Variants in COMMD10 observed in about 807,000 individuals in gnomAD.
COMMD10 encodes the protein COMM domain-containing protein 10.
In COMMD10, 33 loss-of-function variants were observed where a neutral mutation model predicts 28.9. The observed-to-expected ratio is 1.14, with a 90% CI of 0.87 to 1.53. The LOEUF is 1.53. Among genes scored for constraint, COMMD10 ranks in the 40% most tolerant of loss-of-function variants. The pLI, the probability that COMMD10 is intolerant of heterozygous loss-of-function variation, is 0.00. For missense variants in COMMD10, 310 were observed against 233.4 expected (o/e 1.33, Z -2.14); for synonymous variants, 110 against 81.7 (o/e 1.35, Z -1.87).
intron 5 of COMMD10, among the ~76,000 whole-genome samples, chr5:116,251,952 C>T (rs1025044495): frequency 2.4e-4 from 36 of 148,194 alleles, no homozygotes; most frequent in African/African-American, 8.3e-4. Flanking sequence ...CTCTCCAGCA[C>T]CTGTTGTTTC....
chr5:116,112,725 A>C (rs1200373285), intron 4 of COMMD10, among the ~76,000 whole-genome samples: 3 of 152,136 alleles, frequency 2.0e-5, no homozygotes, highest in African/African-American at 7.2e-5. Context: ...CATTTAGCCA[A>C]CGTGTATTTT....
At chr5:116,257,925 C>G (rs1171193333) in intron 5 of COMMD10, among the ~76,000 whole-genome samples, 1 of 151,494 alleles carries the variant, frequency 6.6e-6, no homozygotes, top group Non-Finnish European at 1.5e-5. Context: ...GTTTTGTATA[C>G]CCAATTTCAT....
intron 4 of COMMD10, among the ~76,000 whole-genome samples, chr5:116,094,868 C>T (rs1364618021): frequency 6.6e-6 from 1 of 152,102 alleles, no homozygotes; most frequent in African/African-American, 2.4e-5. Flanking sequence ...TTGTTTGCAG[C>T]AACATGGATA....
intron 5 of COMMD10, among the ~76,000 whole-genome samples, chr5:116,171,490 A>T (rs186166411): frequency 1.9e-3 from 294 of 152,324 alleles, no homozygotes; most frequent in African/African-American, 6.7e-3. Context: ...ATATACCCAG[A>T]TGATTATAAA....
At chr5:116,111,417 TC>T (rs1445726586) in intron 4 of COMMD10, among the ~76,000 whole-genome samples, 1 of 67,020 alleles carries the variant, frequency 1.5e-5, no homozygotes, top group African/African-American at 3.1e-5. Context: ...GCTGCAAAAT[TC>T]CTTCTTAGCA....
At chr5:116,151,362 T>C (rs1031665494) in intron 5 of COMMD10, among the ~76,000 whole-genome samples, 3 of 152,112 alleles carry the variant, frequency 2.0e-5, no homozygotes, top group African/African-American at 7.2e-5. Context: ...ATCAGGATGA[T>C]GCTGGCCTCA....
At chr5:116,243,830 C>CA (rs988605055) in intron 5 of COMMD10, among the ~76,000 whole-genome samples, 1 of 152,112 alleles carries the variant, frequency 6.6e-6, no homozygotes, top group African/African-American at 2.4e-5. Context: ...CAGTAAACTG[C>CA]ATTTATTCTG....
chr5:116,210,297 A>G (rs946520016), intron 5 of COMMD10, among the ~76,000 whole-genome samples: 1 of 151,638 alleles, frequency 6.6e-6, no homozygotes, highest in Non-Finnish European at 1.5e-5. Flanking sequence ...TAAGCATTTT[A>G]TTCTGTTAAA....
At chr5:116,183,277 A>G (rs2112599498) in intron 5 of COMMD10, among the ~76,000 whole-genome samples, 1 of 152,264 alleles carries the variant, frequency 6.6e-6, no homozygotes, top group East Asian at 1.9e-4. Flanking sequence ...ATGATGCCAG[A>G]ACTGAAAGAA....
chr5:116,248,283 T>C (rs2112670716), intron 5 of COMMD10, among the ~76,000 whole-genome samples: 1 of 152,122 alleles, frequency 6.6e-6, no homozygotes, highest in South Asian at 2.1e-4. Context: ...AGTGTAGCTT[T>C]TGGACAGCAT....
rs143451459 is a variant in COMMD10, at chr5:116,197,706, A to C, written c.510+63528A>C. On this transcript the variant is annotated intron_variant, in intron 5 of 6. Coordinates refer to ENST00000274458, the MANE Select transcript of COMMD10 (RefSeq NM_016144.4). ...CCCAGATTTTTATTGTCTTTGAAAC[A>C]GAAAATTCATGAAAGGATTCTGCCA... Among the ~76,000 whole-genome samples, 490 of 152,214 alleles carry C rather than the reference A, an allele frequency of 3.2e-3. 2 individuals carry two copies. Among genetic ancestry groups the C allele is most frequent in the African/African-American group, 0.011 (465 of 41,534 alleles).
chr5:116,241,840 A>G (rs1189557009), intron 5 of COMMD10, among the ~76,000 whole-genome samples: 1 of 151,868 alleles, frequency 6.6e-6, no homozygotes, highest in East Asian at 1.9e-4. Context: ...GATGGTCTCT[A>G]TCTCCTGACC....
intron 5 of COMMD10, among the ~76,000 whole-genome samples, chr5:116,202,235 A>G (rs959539963): frequency 1.3e-5 from 2 of 151,836 alleles, no homozygotes; most frequent in Admixed American, 6.6e-5. Context: ...TTATGGCTGC[A>G]TAGTATTCCA....
At chr5:116,240,246 A>G (rs551350918) in intron 5 of COMMD10, among the ~76,000 whole-genome samples, 22 of 152,234 alleles carry the variant, frequency 1.4e-4, no homozygotes, top group African/African-American at 5.3e-4. Flanking sequence ...AAGAAAAAAG[A>G]TGAAGAAAAA....
rs188203659 is a variant in COMMD10, at chr5:116,118,164, C to T, written c.400-15904C>T. Among the ~76,000 whole-genome samples, 847 of 152,268 alleles carry T rather than the reference C, an allele frequency of 5.6e-3. 9 individuals carry two copies. Among genetic ancestry groups the T allele is most frequent in the Middle Eastern group, 6.8e-3 (2 of 294 alleles). On this transcript the variant is annotated intron_variant, in intron 4 of 6. Coordinates refer to ENST00000274458, the MANE Select transcript of COMMD10 (RefSeq NM_016144.4). ...GGGCTGGCTTGGTTCCTTTTTCCAGCTGATTGTTTAAATGTCACATTTGTC... is the reference window on the plus strand; with the variant it reads ...GGGCTGGCTTGGTTCCTTTTTCCAGTTGATTGTTTAAATGTCACATTTGTC...
chr5:116,214,186 CT>C (rs915646796), intron 5 of COMMD10, among the ~76,000 whole-genome samples: 1 of 151,980 alleles, frequency 6.6e-6, no homozygotes, highest in Non-Finnish European at 1.5e-5. Flanking sequence ...GGGATGCAAA[CT>C]TCTTGGAAAG....
intron 5 of COMMD10, among the ~76,000 whole-genome samples, chr5:116,219,930 G>C (rs1201881212): frequency 6.6e-6 from 1 of 151,852 alleles, no homozygotes; most frequent in Non-Finnish European, 1.5e-5. Flanking sequence ...ATAATATTTT[G>C]ATAGAGTTTT....
At chr5:116,181,944 C>A (rs1315555485) in intron 5 of COMMD10, among the ~76,000 whole-genome samples, 1 of 152,036 alleles carries the variant, frequency 6.6e-6, no homozygotes, top group African/African-American at 2.4e-5. Context: ...ATAGCTCCTG[C>A]CCCCATGGAG....
At chr5:116,251,700 A>T (rs1414653138) in intron 5 of COMMD10, among the ~76,000 whole-genome samples, 1 of 149,566 alleles carries the variant, frequency 6.7e-6, no homozygotes, top group Non-Finnish European at 1.5e-5. Flanking sequence ...TCATTGATGG[A>T]CATTTGGGTT....
Sources: allele counts gnomAD v4.1 joint callset (sites outside exome capture counted in the v4.1 genomes callset), GRCh38; gene constraint gnomAD v4.1.1; transcripts MANE v1.5; gene names NCBI Gene and HGNC (gene_info 2026-07-23, HGNC 2026-07-21).